TOP1: variants seen among roughly 807,000 people sequenced by gnomAD.
TOP1 encodes the protein DNA topoisomerase I, also known as DNA topoisomerase 1.
In TOP1, 10 loss-of-function variants were observed where a neutral mutation model predicts 111.1. That is an observed-to-expected ratio of 0.09 (90% confidence interval 0.06 to 0.15). The LOEUF (loss-of-function observed/expected upper bound fraction) is 0.15, where lower values mean the gene tolerates loss of function less well. Among genes scored for constraint, TOP1 ranks in the 10% least tolerant of loss-of-function variants. TOP1 has a pLI of 1.00. For missense variants in TOP1, 474 were observed against 926.7 expected, an observed-to-expected ratio of 0.51 and a Z score of 6.34; for synonymous variants, 271 against 302.9, an observed-to-expected ratio of 0.89 and a Z score of 1.10.
rs762951988 is a variant in TOP1, at chr20:41,101,163, A to T, written c.1164-46A>T. 1.2e-6 allele frequency: 2 copies of T among 1,606,968 alleles called. No individual in the cohort carries two copies. The highest frequency in any genetic ancestry group is 2.7e-5 in the African/African-American group (2 of 74,702). ...ACTTGGGGTCATGAAAGGTGAAATTATTCCTCACATCTTATTTCACTATCC... is the reference window on the plus strand; with the variant it reads ...ACTTGGGGTCATGAAAGGTGAAATTTTTCCTCACATCTTATTTCACTATCC... On this transcript the variant is annotated intron_variant, in intron 12 of 20. Transcript: ENST00000361337. The surrounding 1 kb of genome is among the most constrained non-coding windows in gnomAD (Gnocchi z 4.1).
At chr20:41,089,788 C>CGTGTA (rs2033897009) in intron 8 of TOP1, among the ~76,000 whole-genome samples, 1 of 152,206 alleles carries the variant, frequency 6.6e-6, no homozygotes, top group Admixed American at 6.5e-5. Flanking sequence ...CTTCCCTACA[C>CGTGTA]CTTCACCAAC....
At position 41,076,307 on chromosome 20, in the gene TOP1, C is replaced by G. The variant is rs542582954; in HGVS notation, c.279+13C>G. On this transcript the variant is annotated intron_variant, in intron 4 of 20. Transcript: ENST00000361337. ...AAAAGAGGAAAAGGTACAGAGTTTT[C>G]TAGTAGGGGAGGAAGGAACGTGGAT... 3.4e-5 allele frequency: 55 copies of G among 1,595,514 alleles called. No homozygotes were observed. The highest frequency in any genetic ancestry group is 5.3e-5 in the Admixed American group (3 of 56,196).
At chr20:41,117,118 G>A (rs918416306) in intron 17 of TOP1, among the ~76,000 whole-genome samples, 6 of 152,062 alleles carry the variant, frequency 3.9e-5, no homozygotes, top group Non-Finnish European at 7.3e-5. Context: ...TTGGGTAGCC[G>A]AGGCAGGAGA....
At chr20:41,073,385 A>G (rs1035706754) in intron 3 of TOP1, 28 of 984,014 alleles carry the variant, frequency 2.8e-5, no homozygotes, top group South Asian at 2.4e-4. Context: ...AAAAAAAAAA[A>G]AAAGAAAGAA....
intron 2 of TOP1, among the ~76,000 whole-genome samples, chr20:41,056,555 A>G (rs1331631151): frequency 6.6e-6 from 1 of 152,202 alleles, no homozygotes; most frequent in African/African-American, 2.4e-5. Context: ...ATGTAATCAT[A>G]GCTCCATCCT....
At chr20:41,035,655 C>T (rs904785048) in intron 2 of TOP1, among the ~76,000 whole-genome samples, 4 of 152,136 alleles carry the variant, frequency 2.6e-5, no homozygotes, top group Non-Finnish European at 4.4e-5. Flanking sequence ...TCTTAGCACA[C>T]GCTAGCAAAG....
intron 3 of TOP1, among the ~76,000 whole-genome samples, chr20:41,066,332 AG>A (rs556230409): frequency 2.8e-4 from 42 of 151,946 alleles, no homozygotes; most frequent in Middle Eastern, 3.4e-3. Flanking sequence ...GATCTTGGCT[AG>A]GTTACTTAAC....
chr20:41,113,879 CAA>C (rs552197714), intron 14 of TOP1, 89 bp from the exon 15 acceptor site: 27,237 of 643,206 alleles, frequency 0.042, no homozygotes, highest in South Asian at 0.06. Flanking sequence ...GAGACTGTCT[CAA>C]AAAAAAAAAA....
At chr20:41,066,545 C>CTCTTT (rs1394778196) in intron 3 of TOP1, among the ~76,000 whole-genome samples, 3 of 147,410 alleles carry the variant, frequency 2.0e-5, no homozygotes, top group Non-Finnish European at 4.4e-5. Flanking sequence ...ACTTTTGTGC[C>CTCTTT]TCTTTTCTTT....
rs1426317253 is a variant in TOP1 at position 41,046,687 on chromosome 20, TC to T, written c.59-14706del. Reference sequence around the variant, plus strand: ...CTATTTGAGTATTCAAGAAAAAGGATCTTTTTGTTAACTAAGGATTAACTAG... The same window carrying T: ...CTATTTGAGTATTCAAGAAAAAGGATTTTTTGTTAACTAAGGATTAACTAG... On this transcript the variant is annotated intron_variant, in intron 2 of 20. Coordinates refer to ENST00000361337, the MANE Select transcript of TOP1 (RefSeq NM_003286.4). The surrounding 1 kb of genome is among the most constrained non-coding windows in gnomAD (Gnocchi z 4.3). 6.6e-6 allele frequency among the ~76,000 whole-genome samples: 1 copy of T among 152,242 alleles called. No homozygotes were observed. Among genetic ancestry groups the T allele is most frequent in the Non-Finnish European group, 1.5e-5 (1 of 68,044 alleles).
intron 9 of TOP1, among the ~76,000 whole-genome samples, chr20:41,093,005 A>G (rs1471268037): frequency 6.6e-6 from 1 of 152,214 alleles, no homozygotes; most frequent in East Asian, 1.9e-4. Flanking sequence ...CAGTATTAGT[A>G]TATGGTCGAG....
Position 41,122,886 on chromosome 20 carries a change from T to C in TOP1, c.2196-309T>C, listed in dbSNP as rs2034444479. On this transcript the variant is annotated intron_variant, in intron 20 of 20. Coordinates refer to ENST00000361337, the MANE Select transcript of TOP1 (RefSeq NM_003286.4). This position sits in a 1 kb window ranked among gnomAD's most constrained non-coding sequence, Gnocchi z 5.4. Reference sequence around the variant, plus strand: ...GGTTAAGAACATGGAGAAAAACTGCTTGGGTTCAAATTTCAGGTCACTTAC... The same window carrying C: ...GGTTAAGAACATGGAGAAAAACTGCCTGGGTTCAAATTTCAGGTCACTTAC... Among the ~76,000 whole-genome samples, 1 of 152,216 alleles carries C rather than the reference T, an allele frequency of 6.6e-6. No individual in the cohort carries two copies. The highest frequency in any genetic ancestry group is 1.5e-5 in the Non-Finnish European group (1 of 68,040).
At chr20:41,076,007 G>A (rs2033723065) in intron 3 of TOP1, among the ~76,000 whole-genome samples, 164 bp from the exon 4 acceptor site, 1 of 152,202 alleles carries the variant, frequency 6.6e-6, no homozygotes, top group South Asian at 2.1e-4. Flanking sequence ...CATCAAACAA[G>A]ATAAAGTCCG....
intron 3 of TOP1, among the ~76,000 whole-genome samples, chr20:41,066,781 C>T (rs2033613854): frequency 6.6e-6 from 1 of 152,092 alleles, no homozygotes; most frequent in Non-Finnish European, 1.5e-5. Context: ...GTCTCAATCT[C>T]CTGACCTCGT....
In TOP1 at chr20:41,084,888, G is replaced by A. The variant is rs186251869; in HGVS notation, c.614+320G>A. Among the ~76,000 whole-genome samples the A allele has an allele frequency of 2.3e-4, 35 of 152,308 alleles. No homozygotes were observed. The East Asian group carries it at 6.7e-3, about 29-fold the overall frequency. On this transcript the variant is annotated intron_variant, in intron 8 of 20. Coordinates refer to ENST00000361337, the MANE Select transcript of TOP1 (RefSeq NM_003286.4). ...CCATACGGAAAGGACAGATTATTAT[G>A]TAAGTCGTGTTGGGAAAACTGCCTG...
At chr20:41,085,876 G>T (rs1022261936) in intron 8 of TOP1, among the ~76,000 whole-genome samples, 8 of 152,222 alleles carry the variant, frequency 5.3e-5, no homozygotes, top group African/African-American at 1.7e-4. Flanking sequence ...TATGTGATTC[G>T]CATGTTGCTA....
chr20:41,102,970 CAAG>C lies in TOP1; in HGVS notation c.1308+1619_1308+1621del, dbSNP rs1568699431. 6.6e-6 allele frequency among the ~76,000 whole-genome samples: 1 copy of C among 152,054 alleles called. No homozygotes were observed. Among genetic ancestry groups the C allele is most frequent in the African/African-American group, 2.4e-5 (1 of 41,388 alleles). On this transcript the variant is annotated intron_variant, in intron 13 of 20. Coordinates refer to ENST00000361337, the MANE Select transcript of TOP1 (RefSeq NM_003286.4). This position sits in a 1 kb window ranked among gnomAD's most constrained non-coding sequence, Gnocchi z 4.0. ...TGGGTCTTAAAAGTAGTATTTCAAA[CAAG>C]AGAGAACTGTGTCGTGGACAAAGGG...
At position 41,029,737 on chromosome 20, in the gene TOP1, A is replaced by T; in HGVS notation, c.58+282A>T. 5.7e-6 allele frequency: 3 copies of T among 530,062 alleles called. No homozygotes were observed. The highest frequency in any genetic ancestry group is 2.1e-5 in the South Asian group (1 of 47,886). The allele number at this position is 530,062 out of a possible 1,614,324, so 32.8% of individuals were successfully genotyped here. A position where few individuals can be genotyped will look rare whatever the true frequency, so the allele number is the denominator to read the frequency against. On this transcript the variant is annotated intron_variant, in intron 2 of 20. Coordinates refer to ENST00000361337, the MANE Select transcript of TOP1 (RefSeq NM_003286.4). The surrounding 1 kb of genome is among the most constrained non-coding windows in gnomAD (Gnocchi z 6.1). ...TCCGGGCCGGGATTCCTCCCGGGAA[A>T]GTCGCCTTGTCGACGGTCGGGACTT...
chr20:41,048,787 TA>T (rs1042862278), intron 2 of TOP1, among the ~76,000 whole-genome samples: 7 of 152,232 alleles, frequency 4.6e-5, no homozygotes, highest in African/African-American at 1.7e-4. Flanking sequence ...AAGTCTGAAT[TA>T]TTTTTTTGAT....
Sources: allele counts gnomAD v4.1 joint callset (sites outside exome capture counted in the v4.1 genomes callset), GRCh38; gene constraint gnomAD v4.1.1; non-coding constraint Gnocchi (gnomAD v3.1); transcripts MANE v1.5; gene names NCBI Gene and HGNC (gene_info 2026-07-23, HGNC 2026-07-21).